PTPRJ: variants seen among roughly 807,000 people sequenced by gnomAD.
PTPRJ encodes receptor-type tyrosine-protein phosphatase eta.
A neutral mutation model predicts 141.3 loss-of-function variants in PTPRJ; 129 were observed. That is an observed-to-expected ratio of 0.91 (90% CI 0.79 to 1.06). The LOEUF is 1.06. PTPRJ is among the 50% of genes least tolerant of loss of function. The pLI, the probability that PTPRJ is intolerant of heterozygous loss-of-function variation, is 0.00. For synonymous variants in PTPRJ, 610 were observed against 640.5 expected (o/e 0.95, Z 0.72); for missense variants, 1,601 against 1,679.7 (o/e 0.95, Z 0.82).
intron 19 of PTPRJ, 78 bp from the exon 20 acceptor site, chr11:48,155,723 A>AT (rs373931659): frequency 1.7e-3 from 2,081 of 1,252,124 alleles, no homozygotes; most frequent in Non-Finnish European, 1.9e-3. Flanking sequence ...TTTGAATTTC[A>AT]TTTTTTTTTC....
At chr11:48,161,870 C>T (rs1857789726) in intron 22 of PTPRJ, among the ~76,000 whole-genome samples, 1 of 152,092 alleles carries the variant, frequency 6.6e-6, no homozygotes, top group Non-Finnish European at 1.5e-5. Context: ...TGCTCGGCCT[C>T]CAAAAGTGTT....
At chr11:48,049,017 C>A (rs1296890503) in intron 1 of PTPRJ, among the ~76,000 whole-genome samples, 1 of 152,076 alleles carries the variant, frequency 6.6e-6, no homozygotes, top group Non-Finnish European at 1.5e-5. Flanking sequence ...TGGAATAAAC[C>A]TTCACTTATA....
chr11:48,108,858 C>T (rs1856365389), intron 1 of PTPRJ, among the ~76,000 whole-genome samples: 1 of 152,136 alleles, frequency 6.6e-6, no homozygotes, highest in Admixed American at 6.5e-5. Context: ...AAGACTTTCC[C>T]CCTCTGGGCT....
intron 1 of PTPRJ, among the ~76,000 whole-genome samples, chr11:48,009,788 T>C (rs1169008322): frequency 2.6e-5 from 4 of 152,254 alleles, no homozygotes; most frequent in Non-Finnish European, 5.9e-5. Context: ...TTCTCAGCTG[T>C]TAAGTGGGAC....
At chr11:48,090,994 G>A (rs1454758018) in intron 1 of PTPRJ, among the ~76,000 whole-genome samples, 1 of 152,184 alleles carries the variant, frequency 6.6e-6, no homozygotes, top group East Asian at 1.9e-4. Flanking sequence ...ACCCAAGGCT[G>A]TTTGTCATAC....
intron 2 of PTPRJ, among the ~76,000 whole-genome samples, chr11:48,111,060 T>C (rs1294493805): frequency 1.3e-5 from 2 of 152,258 alleles, no homozygotes; most frequent in East Asian, 3.9e-4. Flanking sequence ...GTGGATCACC[T>C]GAATTCAGGA....
At chr11:48,130,412 C>T (rs1273707555) in intron 7 of PTPRJ, 47 bp from the exon 8 acceptor site, 2 of 1,553,752 alleles carry the variant, frequency 1.3e-6, no homozygotes, top group Non-Finnish European at 1.8e-6. Flanking sequence ...ATCCCTGTCT[C>T]CTGGAGAAGT....
intron 1 of PTPRJ, among the ~76,000 whole-genome samples, chr11:47,989,568 G>A (rs901436949): frequency 6.6e-6 from 1 of 151,346 alleles, no homozygotes; most frequent in African/African-American, 2.4e-5. Flanking sequence ...GTGAGCCACT[G>A]TGCCAGGCCC....
chr11:48,139,470 T>C lies in PTPRJ; in HGVS notation c.2153-16T>C, dbSNP rs778879207. On this transcript the variant is annotated splice_polypyrimidine_tract_variant and intron_variant, in intron 10 of 24. Coordinates refer to ENST00000418331, the MANE Select transcript of PTPRJ (RefSeq NM_002843.4). ...AAAGTCCCGGAATCTCATGCTGTGCTGTACTTGCTTTGCAGATCCTGCGTC... is the reference window on the plus strand; with the variant it reads ...AAAGTCCCGGAATCTCATGCTGTGCCGTACTTGCTTTGCAGATCCTGCGTC... 2 of 1,611,750 alleles carry C rather than the reference T, an allele frequency of 1.2e-6. No individual in the cohort carries two copies. Among genetic ancestry groups the C allele is most frequent in the Non-Finnish European group, 1.7e-6 (2 of 1,177,992 alleles).
chr11:48,018,589 TAC>T (rs1290907313), intron 1 of PTPRJ, among the ~76,000 whole-genome samples: 1 of 152,230 alleles, frequency 6.6e-6, no homozygotes, highest in Non-Finnish European at 1.5e-5. Context: ...AAAATATAAA[TAC>T]AGTCTTTTTG....
intron 1 of PTPRJ, among the ~76,000 whole-genome samples, chr11:48,087,358 A>G (rs1235820812): frequency 6.6e-6 from 1 of 152,234 alleles, no homozygotes; most frequent in African/African-American, 2.4e-5. Flanking sequence ...TGTCCTTCCT[A>G]TAGTTTTTGG....
Position 48,139,549 on chromosome 11 carries a change from A to G in PTPRJ, c.2216A>G (p.Lys739Arg), listed in dbSNP as rs1234569277. 1.9e-6 allele frequency: 3 copies of G among 1,614,236 alleles called. No individual in the cohort carries two copies. The Admixed American group carries it at 5.0e-5, about 27-fold the overall frequency. Residue 739 changes from lysine to arginine, a missense_variant, in exon 11 of 25, where the codon AAA becomes AGA. Coordinates refer to ENST00000418331, the MANE Select transcript of PTPRJ (RefSeq NM_002843.4). ...CCCAAAGAGCCAGCCCTGGTTCTCA[A>G]ATGGACCTGCCCTCCTGGCGCCAAT... Reference protein sequence around the residue: ...VVPKEPALVLKWTCPPGANAG... With the variant: ...VVPKEPALVLRWTCPPGANAG...
At chr11:48,148,011 A>G (rs1319549502) in intron 15 of PTPRJ, among the ~76,000 whole-genome samples, 1 of 151,900 alleles carries the variant, frequency 6.6e-6, no homozygotes, top group African/African-American at 2.4e-5. Context: ...CACCCAGCTA[A>G]TTTTTGTATT....
At chr11:48,002,409 A>T (rs1022783248) in intron 1 of PTPRJ, among the ~76,000 whole-genome samples, 1 of 152,074 alleles carries the variant, frequency 6.6e-6, no homozygotes, top group African/African-American at 2.4e-5. Context: ...AAATGCTGGG[A>T]TTACAGGCAT....
chr11:48,074,752 T>A (rs1855355462), intron 1 of PTPRJ, among the ~76,000 whole-genome samples: 1 of 152,218 alleles, frequency 6.6e-6, no homozygotes, highest in Non-Finnish European at 1.5e-5. Context: ...GACTCTCATG[T>A]TGAACGTTGT....
chr11:48,028,086 G>A (rs1293503712), intron 1 of PTPRJ, among the ~76,000 whole-genome samples: 1 of 152,118 alleles, frequency 6.6e-6, no homozygotes, highest in East Asian at 1.9e-4. Flanking sequence ...AGAGATAAAG[G>A]AAACATCTTA....
At position 48,150,113 on chromosome 11, in the gene PTPRJ, T is replaced by C; in HGVS notation, c.3068T>C (p.Val1023Ala). 2.5e-6 allele frequency: 4 copies of C among 1,613,924 alleles called. No homozygotes were observed. Among genetic ancestry groups the C allele is most frequent in the Admixed American group, 1.7e-5 (1 of 60,000 alleles). Residue 1023 changes from valine (V) to alanine (A), a missense_variant, in exon 18 of 25, where the codon GTG becomes GCG. By Grantham distance (64) the Val-to-Ala change is moderately conservative. Transcript: ENST00000418331. ...IKPKKSKLIR[V>A]ENFEAYFKKQ... ...TTTCTTAGATCTAAGTTAATCAGAG[T>C]GGAGAATTTTGAGGCCTACTTCAAG...
intron 1 of PTPRJ, among the ~76,000 whole-genome samples, chr11:47,999,843 A>G (rs954702632): frequency 2.0e-5 from 3 of 149,284 alleles, no homozygotes; most frequent in African/African-American, 7.6e-5. Flanking sequence ...AGTCTCTTTT[A>G]CTTTCATGCC....
intron 18 of PTPRJ, 47 bp from the exon 19 acceptor site, chr11:48,153,749 A>C: frequency 7.9e-7 from 1 of 1,263,878 alleles, no homozygotes; most frequent in Non-Finnish European, 1.2e-6. Context: ...AATATGAATA[A>C]TATTTGAAGA....
Sources: allele counts gnomAD v4.1 joint callset (sites outside exome capture counted in the v4.1 genomes callset), GRCh38; gene constraint gnomAD v4.1.1; transcripts MANE v1.5; gene names NCBI Gene and HGNC (gene_info 2026-07-23, HGNC 2026-07-21).